BAALC: variants seen among roughly 807,000 people sequenced by gnomAD.
The protein encoded by BAALC is brain and acute leukemia cytoplasmic protein.
In BAALC, 9 loss-of-function variants were observed where a neutral mutation model predicts 15.5. The ratio of observed to expected loss-of-function variants is 0.58; its 90% CI spans 0.35 to 1.02. The LOEUF (loss-of-function observed/expected upper bound fraction) is 1.02. Ranked by LOEUF, BAALC falls within the 50% of genes least tolerant of loss-of-function variation. BAALC has a pLI of 0.02. For synonymous variants in BAALC, 80 were observed against 74.6 expected (o/e 1.07, Z -0.37); for missense variants, 201 against 192.4 (o/e 1.04, Z -0.27).
At position 103,228,158 on chromosome 8, in the gene BAALC, C is replaced by T. The variant is rs1563660631; in HGVS notation, c.*59C>T. ...TTCAGTGTCCTTCACGGCACTGGATCCCATCAAAGAACCTTGAAGAAGTGG... is the reference window on the plus strand; with the variant it reads ...TTCAGTGTCCTTCACGGCACTGGATTCCATCAAAGAACCTTGAAGAAGTGG... On this transcript the variant is annotated 3_prime_UTR_variant, in exon 3 of 3. Coordinates refer to ENST00000309982, the MANE Select transcript of BAALC (RefSeq NM_024812.3). 9 of 1,199,618 alleles carry T rather than the reference C, an allele frequency of 7.5e-6. No individual in the cohort carries two copies. The East Asian group carries it at 2.1e-4, about 28-fold the overall frequency. The allele number at this position is 1,199,618 out of a possible 1,614,324, so 74.3% of individuals were successfully genotyped here.
intron 1 of BAALC, among the ~76,000 whole-genome samples, chr8:103,173,727 G>C (rs1008950456): frequency 5.3e-5 from 8 of 152,128 alleles, no homozygotes; most frequent in Non-Finnish European, 1.2e-4. Flanking sequence ...TATACTTAAA[G>C]TTCCATCAAC....
intron 1 of BAALC, among the ~76,000 whole-genome samples, chr8:103,209,877 C>G (rs144473035): frequency 2.0e-5 from 3 of 152,354 alleles, no homozygotes; most frequent in African/African-American, 7.2e-5. Context: ...CCACAGCAGA[C>G]AGTAACAACA....
intron 1 of BAALC, among the ~76,000 whole-genome samples, chr8:103,151,770 T>C (rs1274587842): frequency 5.7e-5 from 8 of 141,124 alleles, no homozygotes; most frequent in African/African-American, 2.2e-4. Context: ...AAAAAAAAAA[T>C]CACAGACTTG....
At chr8:103,171,865 C>A (rs1811503498) in intron 1 of BAALC, 1 of 152,126 alleles carries the variant, frequency 6.6e-6, no homozygotes. Context: ...GAAGAAATAG[C>A]CCCAAAACTA....
chr8:103,183,099 A>C (rs918750559), intron 1 of BAALC, among the ~76,000 whole-genome samples: 1 of 152,216 alleles, frequency 6.6e-6, no homozygotes, highest in South Asian at 2.1e-4. Context: ...TATTATCTCA[A>C]ACCAGTCATG....
Position 103,151,054 on chromosome 8 carries a change from G to A in BAALC, c.160+9997G>A, listed in dbSNP as rs570877106. Reference sequence around the variant, plus strand: ...TTTTTTTGAGATGGAGTCTCGCTCTGTTGCCCAGGCTGGAGTGCAGTGGCT... The same window carrying A: ...TTTTTTTGAGATGGAGTCTCGCTCTATTGCCCAGGCTGGAGTGCAGTGGCT... On this transcript the variant is annotated intron_variant, in intron 1 of 2. Transcript: ENST00000309982. Among the ~76,000 whole-genome samples the A allele has an allele frequency of 2.7e-5, 4 of 148,066 alleles. No individual in the cohort carries two copies. The South Asian group carries it at 6.4e-4, about 24-fold the overall frequency.
chr8:103,172,900 T>C (rs988089216), intron 1 of BAALC, among the ~76,000 whole-genome samples: 9 of 152,168 alleles, frequency 5.9e-5, no homozygotes, highest in Admixed American at 5.9e-4. Flanking sequence ...TTATAAACAA[T>C]TATAAAACAA....
intron 1 of BAALC, among the ~76,000 whole-genome samples, chr8:103,177,230 C>T (rs1159681968): frequency 6.7e-6 from 1 of 150,256 alleles, no homozygotes; most frequent in Non-Finnish European, 1.5e-5. Flanking sequence ...ATTCTATTGC[C>T]CAGTGGGGTG....
intron 1 of BAALC, among the ~76,000 whole-genome samples, chr8:103,177,598 A>G (rs1316373655): frequency 6.6e-6 from 1 of 152,082 alleles, no homozygotes; most frequent in Admixed American, 6.6e-5. Context: ...CAGCATTTCC[A>G]TTTCTCACAA....
chr8:103,223,285 T>A (rs1416785780), intron 2 of BAALC, among the ~76,000 whole-genome samples: 1 of 151,974 alleles, frequency 6.6e-6, no homozygotes, highest in Non-Finnish European at 1.5e-5. Flanking sequence ...TCCAGCCTTG[T>A]GACAGAGAGA....
intron 2 of BAALC, among the ~76,000 whole-genome samples, chr8:103,216,582 G>C (rs2130076155): frequency 6.6e-6 from 1 of 152,192 alleles, no homozygotes; most frequent in South Asian, 2.1e-4. Flanking sequence ...CTAATGCCTG[G>C]GCTCAAGCAC....
At chr8:103,173,022 C>T (rs16870210) in intron 1 of BAALC, among the ~76,000 whole-genome samples, 42,546 of 152,064 alleles carry the variant, frequency 0.28, 6,242 homozygotes, top group East Asian at 0.41. Context: ...GAATCACAAA[C>T]ATTGCTTTTA....
chr8:103,167,874 T>G (rs975566648), intron 1 of BAALC, among the ~76,000 whole-genome samples: 5 of 152,282 alleles, frequency 3.3e-5, no homozygotes, highest in African/African-American at 1.2e-4. Context: ...ACATTAAAGT[T>G]TTTTTAAAGA....
intron 1 of BAALC, among the ~76,000 whole-genome samples, chr8:103,170,812 G>A (rs1283598308): frequency 2.0e-5 from 3 of 152,166 alleles, no homozygotes; most frequent in Admixed American, 6.5e-5. Context: ...AGAAATGGGG[G>A]CCCTTTGAGA....
intron 1 of BAALC, among the ~76,000 whole-genome samples, chr8:103,158,364 G>C (rs1563637262): frequency 6.6e-6 from 1 of 152,166 alleles, no homozygotes; most frequent in East Asian, 1.9e-4. Flanking sequence ...TGGAGAATAA[G>C]TTCCAATACT....
At chr8:103,151,741 T>C (rs1810992501) in intron 1 of BAALC, among the ~76,000 whole-genome samples, 1 of 134,604 alleles carries the variant, frequency 7.4e-6, no homozygotes, top group Admixed American at 7.2e-5. Flanking sequence ...TGCTATCCTA[T>C]ACTTTCCCTC....
chr8:103,144,587 T>A (rs1032624836), intron 1 of BAALC, among the ~76,000 whole-genome samples: 65 of 152,324 alleles, frequency 4.3e-4, no homozygotes, highest in African/African-American at 1.5e-3. Context: ...AGCTCAGTCA[T>A]TCCATTCATT....
At chr8:103,210,931 T>C (rs1812435387) in intron 1 of BAALC, among the ~76,000 whole-genome samples, 1 of 152,162 alleles carries the variant, frequency 6.6e-6, no homozygotes, top group Admixed American at 6.5e-5. Flanking sequence ...TGTATATCCT[T>C]TGAAATCTTG....
chr8:103,140,897 G>A lies in BAALC; in HGVS notation c.-1G>A, dbSNP rs1810753305. ...GCTGGGCGCTCCCGCGGCGCAGGAGGATGGGCTGCGGCGGGAGCCGGGCGG... is the reference window on the plus strand; with the variant it reads ...GCTGGGCGCTCCCGCGGCGCAGGAGAATGGGCTGCGGCGGGAGCCGGGCGG... On this transcript the variant is annotated 5_prime_UTR_variant, in exon 1 of 3. Coordinates refer to ENST00000309982, the MANE Select transcript of BAALC (RefSeq NM_024812.3). This position sits in a 1 kb window ranked among gnomAD's most constrained non-coding sequence, Gnocchi z 4.2. 1.3e-6 allele frequency: 2 copies of A among 1,513,390 alleles called. No individual in the cohort carries two copies. The highest frequency in any genetic ancestry group is 2.2e-5 in the Admixed American group (1 of 46,330). 93.7% of individuals were successfully genotyped at this position (1,513,390 alleles called of 1,614,324 possible).
Sources: allele counts gnomAD v4.1 joint callset (sites outside exome capture counted in the v4.1 genomes callset), GRCh38; gene constraint gnomAD v4.1.1; non-coding constraint Gnocchi (gnomAD v3.1); transcripts MANE v1.5; gene names NCBI Gene and HGNC (gene_info 2026-07-23, HGNC 2026-07-21).